Variants in GALNT13 observed in about 807,000 individuals in gnomAD.
The protein encoded by GALNT13 is polypeptide N-acetylgalactosaminyltransferase 13, also known as UDP-GalNAc:polypeptide N-acetylgalactosaminyltransferase 13.
GALNT13 carries 28 observed loss-of-function variants against 64.2 expected under a neutral mutation model. The observed-to-expected ratio is 0.44, with a 90% CI of 0.32 to 0.60. The LOEUF (loss-of-function observed/expected upper bound fraction) is 0.60, where lower values mean the gene tolerates loss of function less well. Ranked by LOEUF, GALNT13 falls within the 20% of genes least tolerant of loss-of-function variation. GALNT13 has a pLI of 0.05. For missense variants in GALNT13, 577 were observed against 669.8 expected (o/e 0.86, Z 1.53); for synonymous variants, 214 against 224.6 (o/e 0.95, Z 0.42).
chr2:154,133,109 A>G (rs1298447418), intron 3 of GALNT13, among the ~76,000 whole-genome samples: 2 of 152,166 alleles, frequency 1.3e-5, no homozygotes, highest in African/African-American at 4.8e-5. Context: ...CGGTGAAATT[A>G]TTTAAATATC....
the GALNT13 span, among the ~76,000 whole-genome samples, chr2:153,453,780 T>A: frequency 6.7e-6 from 1 of 149,708 alleles, no homozygotes; most frequent in African/African-American, 2.5e-5. Flanking sequence ...ATAGCCAAAA[T>A]AAAATAAATT....
the GALNT13 span, among the ~76,000 whole-genome samples, chr2:153,786,147 T>G: frequency 4.6e-5 from 7 of 152,120 alleles, no homozygotes; most frequent in Non-Finnish European, 5.9e-5. Flanking sequence ...ACAACCACCC[T>G]GCCTGTAACT....
chr2:153,764,200 T>C, the GALNT13 span, among the ~76,000 whole-genome samples: 1 of 151,992 alleles, frequency 6.6e-6, no homozygotes, highest in Admixed American at 6.6e-5. Context: ...GAGAGATGAT[T>C]TAGGGTATCT....
At chr2:153,198,206 C>T in the GALNT13 span, among the ~76,000 whole-genome samples, 1 of 152,114 alleles carries the variant, frequency 6.6e-6, no homozygotes, top group Non-Finnish European at 1.5e-5. Context: ...CTGCAGTTGC[C>T]TGTTGCTCAG....
chr2:154,020,241 T>C (rs1697349357), intron 3 of GALNT13, among the ~76,000 whole-genome samples: 1 of 152,148 alleles, frequency 6.6e-6, no homozygotes, highest in Non-Finnish European at 1.5e-5. Flanking sequence ...GGTCAAATGG[T>C]ATTTCTAGTT....
At chr2:153,571,850 A>G in the GALNT13 span, among the ~76,000 whole-genome samples, 1 of 151,860 alleles carries the variant, frequency 6.6e-6, no homozygotes, top group African/African-American at 2.4e-5. Context: ...TTGGTTTGCT[A>G]GTATTTTGTT....
chr2:153,248,815 C>CA, the GALNT13 span, among the ~76,000 whole-genome samples: 82,208 of 127,250 alleles, frequency 0.65, 27,865 homozygotes, highest in African/African-American at 0.76. Flanking sequence ...GACTCTGTCT[C>CA]GAAAAAAAAA....
the GALNT13 span, among the ~76,000 whole-genome samples, chr2:153,658,979 A>C: frequency 2.6e-5 from 4 of 152,248 alleles, no homozygotes. Flanking sequence ...CACTGTACTC[A>C]CAAGCATGAA....
the GALNT13 span, among the ~76,000 whole-genome samples, chr2:153,242,848 G>GA: frequency 6.6e-6 from 1 of 152,172 alleles, no homozygotes; most frequent in Admixed American, 6.5e-5. Context: ...CCCATTCTGG[G>GA]AAAAAATGTT....
chr2:154,131,366 A>G (rs1287738610), intron 3 of GALNT13, among the ~76,000 whole-genome samples: 1 of 152,212 alleles, frequency 6.6e-6, no homozygotes, highest in Non-Finnish European at 1.5e-5. Flanking sequence ...AAAGGAAACA[A>G]GGACCTTGCT....
At chr2:154,443,768 T>C (rs943447735) in intron 12 of GALNT13, among the ~76,000 whole-genome samples, 1 of 152,110 alleles carries the variant, frequency 6.6e-6, no homozygotes, top group Non-Finnish European at 1.5e-5. Context: ...CTACATTTTA[T>C]GTTAGTCAAA....
At chr2:153,156,838 T>C in the GALNT13 span, among the ~76,000 whole-genome samples, 1 of 152,120 alleles carries the variant, frequency 6.6e-6, no homozygotes, top group South Asian at 2.1e-4. Flanking sequence ...GGTAAAGACT[T>C]TTCTGGTATT....
rs141465694 is a variant in GALNT13, at chr2:154,311,252, G to A, written c.1156+9663G>A. The stretch of plus-strand genomic sequence containing the variant: ...GTATAGATAATTGCACAGATATATC[G>A]GGGGTCCTGCCCCGATAATCACGTA... On this transcript the variant is annotated intron_variant, in intron 9 of 12. Transcript: ENST00000392825. Among the ~76,000 whole-genome samples the A allele has an allele frequency of 2.1e-3, 320 of 151,864 alleles. 6 individuals carry two copies. In the East Asian group the frequency reaches 0.05, roughly 24 times the overall value.
intron 9 of GALNT13, among the ~76,000 whole-genome samples, chr2:154,334,154 A>G (rs965511195): frequency 2.6e-5 from 4 of 152,112 alleles, no homozygotes; most frequent in South Asian, 2.1e-4. Context: ...GAAAATACCC[A>G]TAAGATTTTC....
chr2:153,386,482 A>G, the GALNT13 span, among the ~76,000 whole-genome samples: 1 of 152,054 alleles, frequency 6.6e-6, no homozygotes, highest in Non-Finnish European at 1.5e-5. Flanking sequence ...GCAAAGTGCT[A>G]ACTTCTGCTG....
At chr2:153,407,735 T>A in the GALNT13 span, among the ~76,000 whole-genome samples, 1 of 152,240 alleles carries the variant, frequency 6.6e-6, no homozygotes, top group African/African-American at 2.4e-5. Context: ...TCGTAAGTGA[T>A]GTCAACTTTA....
At chr2:153,571,764 T>A in the GALNT13 span, among the ~76,000 whole-genome samples, 2 of 152,096 alleles carry the variant, frequency 1.3e-5, no homozygotes, top group Non-Finnish European at 2.9e-5. Flanking sequence ...AATTTGCAAA[T>A]GTTGAAGCAT....
intron 3 of GALNT13, among the ~76,000 whole-genome samples, chr2:153,996,473 GTCT>G (rs1457918537): frequency 6.6e-6 from 1 of 152,068 alleles, no homozygotes; most frequent in Non-Finnish European, 1.5e-5. Context: ...TCATTTGCAT[GTCT>G]TCTTTTGATA....
chr2:153,305,658 C>T, the GALNT13 span, among the ~76,000 whole-genome samples: 4 of 152,082 alleles, frequency 2.6e-5, no homozygotes, highest in Non-Finnish European at 5.9e-5. Flanking sequence ...AAATGCCACT[C>T]CCTAGGCTCC....
Sources: allele counts gnomAD v4.1 joint callset (sites outside exome capture counted in the v4.1 genomes callset), GRCh38; gene constraint gnomAD v4.1.1; transcripts MANE v1.5; gene names NCBI Gene and HGNC (gene_info 2026-07-23, HGNC 2026-07-21).